The following ADAM22 variants were observed in gnomAD, a reference collection of about 807,000 sequenced individuals.
ADAM22 encodes ADAM metallopeptidase domain 22.
In ADAM22, 65 loss-of-function variants were observed where a neutral mutation model predicts 144.6. That is an observed-to-expected ratio of 0.45 (90% CI 0.37 to 0.55). The LOEUF is 0.55. ADAM22 is among the 20% of genes least tolerant of loss of function. ADAM22 has a pLI of 0.00. For missense variants in ADAM22, 974 were observed against 1,184.9 expected (o/e 0.82, Z 2.61); for synonymous variants, 391 against 412.6 (o/e 0.95, Z 0.63).
intron 2 of ADAM22, among the ~76,000 whole-genome samples, chr7:87,940,455 A>G (rs945680316): frequency 6.6e-6 from 1 of 152,160 alleles, no homozygotes; most frequent in Admixed American, 6.5e-5. Context: ...TCATCCCCAA[A>G]TTGGGACAGA....
At chr7:87,941,460 G>A (rs1234936319) in intron 2 of ADAM22, among the ~76,000 whole-genome samples, 1 of 152,042 alleles carries the variant, frequency 6.6e-6, no homozygotes, top group Non-Finnish European at 1.5e-5. Context: ...ATGGCTCCTA[G>A]GAATTACAAC....
intron 3 of ADAM22, among the ~76,000 whole-genome samples, chr7:88,073,247 T>G (rs1303303301): frequency 6.6e-6 from 1 of 152,240 alleles, no homozygotes; most frequent in Non-Finnish European, 1.5e-5. Flanking sequence ...TTGAAAGGGC[T>G]TGTTCACTTT....
chr7:88,158,305 G>A (rs1445609271), intron 22 of ADAM22, among the ~76,000 whole-genome samples: 3 of 152,036 alleles, frequency 2.0e-5, no homozygotes, highest in Non-Finnish European at 4.4e-5. Flanking sequence ...ATAACAGTAG[G>A]AGACTTCAAC....
At chr7:88,123,486 C>T (rs1408915270) in intron 7 of ADAM22, among the ~76,000 whole-genome samples, 1 of 151,970 alleles carries the variant, frequency 6.6e-6, no homozygotes, top group African/African-American at 2.4e-5. Flanking sequence ...TCTAAATTAA[C>T]AAATTTATTG....
At chr7:88,107,883 G>A (rs1346520278) in intron 4 of ADAM22, among the ~76,000 whole-genome samples, 1 of 151,914 alleles carries the variant, frequency 6.6e-6, no homozygotes, top group African/African-American at 2.4e-5. Context: ...GAGACACTGT[G>A]CCTGACTCCC....
At chr7:88,038,507 T>C (rs1035852026) in intron 3 of ADAM22, among the ~76,000 whole-genome samples, 1 of 149,348 alleles carries the variant, frequency 6.7e-6, no homozygotes, top group Admixed American at 6.7e-5. Flanking sequence ...CAGGCTGGAG[T>C]GCAGTGGTGC....
intron 3 of ADAM22, among the ~76,000 whole-genome samples, chr7:87,995,184 C>A (rs1258575592): frequency 6.6e-6 from 1 of 152,188 alleles, no homozygotes. Context: ...ATCTATCCTT[C>A]CCTCTGCAAA....
chr7:88,094,441 G>T (rs561675516), intron 4 of ADAM22, among the ~76,000 whole-genome samples: 1 of 152,340 alleles, frequency 6.6e-6, no homozygotes, highest in South Asian at 2.1e-4. Flanking sequence ...AAAGAAACCA[G>T]AGAAGGTGGA....
rs140021959 is a variant in ADAM22, at chr7:88,128,184, A to G, written c.679-418A>G. On this transcript the variant is annotated intron_variant, in intron 8 of 31. Coordinates refer to ENST00000413139, the MANE Select transcript of ADAM22 (RefSeq NM_001324418.2). Reference sequence around the variant, plus strand: ...TTAAACCCAAAAGAATGCTCTTCATATGTTACTATTTTCAAGATAGACTGT... The same window carrying G: ...TTAAACCCAAAAGAATGCTCTTCATGTGTTACTATTTTCAAGATAGACTGT... 3.4e-4 allele frequency among the ~76,000 whole-genome samples: 51 copies of G among 152,184 alleles called. 1 individual carries two copies. The highest frequency in any genetic ancestry group is 1.1e-3 in the African/African-American group (47 of 41,556).
At chr7:88,081,276 G>T (rs1816528851) in intron 4 of ADAM22, among the ~76,000 whole-genome samples, 2 of 152,074 alleles carry the variant, frequency 1.3e-5, no homozygotes, top group Admixed American at 6.6e-5. Flanking sequence ...AAAGGCCTTT[G>T]ACAAAATTCA....
At chr7:88,091,634 A>C (rs1361249222) in intron 4 of ADAM22, among the ~76,000 whole-genome samples, 3 of 152,192 alleles carry the variant, frequency 2.0e-5, no homozygotes, top group Non-Finnish European at 4.4e-5. Context: ...CTCATTTTGC[A>C]GATGAGGAAA....
intron 29 of ADAM22, among the ~76,000 whole-genome samples, chr7:88,185,003 T>A (rs1379113829): frequency 2.0e-5 from 3 of 152,230 alleles, no homozygotes; most frequent in Admixed American, 2.0e-4. Context: ...TGTGGCTATG[T>A]TTCACCTGAT....
chr7:87,957,564 G>A (rs751721144), intron 2 of ADAM22, among the ~76,000 whole-genome samples: 14 of 151,914 alleles, frequency 9.2e-5, no homozygotes, highest in African/African-American at 1.7e-4. Flanking sequence ...CATCCTTTCC[G>A]TCTTTGTTTT....
chr7:88,180,904 G>A (rs1437870615), intron 27 of ADAM22, among the ~76,000 whole-genome samples: 1 of 152,120 alleles, frequency 6.6e-6, no homozygotes, highest in Non-Finnish European at 1.5e-5. Flanking sequence ...GCACTGTCAT[G>A]ATAAACATCT....
chr7:88,165,346 C>A (rs911621294), intron 23 of ADAM22, among the ~76,000 whole-genome samples: 1 of 152,046 alleles, frequency 6.6e-6, no homozygotes, highest in Admixed American at 6.6e-5. Flanking sequence ...GTTGTATAGC[C>A]TTGTGGAACT....
intron 3 of ADAM22, among the ~76,000 whole-genome samples, chr7:88,056,233 T>A (rs1209480444): frequency 6.6e-6 from 1 of 152,168 alleles, no homozygotes; most frequent in Admixed American, 6.5e-5. Flanking sequence ...AATGCTTAAT[T>A]TTTATTAAAA....
chr7:87,966,122 A>T (rs1191328152), intron 2 of ADAM22, among the ~76,000 whole-genome samples: 1 of 152,072 alleles, frequency 6.6e-6, no homozygotes, highest in Non-Finnish European at 1.5e-5. Context: ...TCCTAACTCT[A>T]CTCTAATGAA....
At chr7:88,145,781 C>T (rs1229375959) in intron 17 of ADAM22, among the ~76,000 whole-genome samples, 1 of 152,108 alleles carries the variant, frequency 6.6e-6, no homozygotes. Context: ...GGCCTGAACC[C>T]TGTTAATCTT....
At chr7:87,999,019 C>T (rs1403411154) in intron 3 of ADAM22, among the ~76,000 whole-genome samples, 2 of 151,968 alleles carry the variant, frequency 1.3e-5, no homozygotes, top group African/African-American at 2.4e-5. Context: ...CACATCTGGC[C>T]CCGGGGTTGT....
Sources: gnomAD v4.1 joint callset for allele counts (sites outside exome capture counted in the v4.1 genomes callset) on GRCh38, gnomAD v4.1.1 for gene constraint, MANE v1.5 for transcripts, NCBI Gene and HGNC (gene_info 2026-07-23, HGNC 2026-07-21) for gene names.